CCDC171: variants seen among roughly 807,000 people sequenced by gnomAD.
CCDC171 encodes the protein coiled-coil domain-containing protein 171.
In CCDC171, 177 loss-of-function variants were observed where a neutral mutation model predicts 168.2. The observed-to-expected ratio is 1.05, with a 90% CI of 0.93 to 1.19. The LOEUF is 1.19. CCDC171 is among the 50% of genes most tolerant of loss of function. The probability of loss-of-function intolerance (pLI) is 0.00; values close to 1 mark genes in which losing one functional copy is unlikely to be tolerated. For missense variants in CCDC171, 1,991 were observed against 1,539.0 expected (o/e 1.29, Z -4.91); for synonymous variants, 687 against 540.8 (o/e 1.27, Z -3.75).
At chr9:15,963,774 T>C (rs889573497) in intron 25 of CCDC171, among the ~76,000 whole-genome samples, 1 of 152,256 alleles carries the variant, frequency 6.6e-6, no homozygotes, top group Non-Finnish European at 1.5e-5. Context: ...AGTGGTTTCC[T>C]GGCATCTGTT....
At chr9:15,909,881 A>C (rs928658746) in intron 24 of CCDC171, among the ~76,000 whole-genome samples, 2 of 152,078 alleles carry the variant, frequency 1.3e-5, no homozygotes, top group Non-Finnish European at 2.9e-5. Flanking sequence ...TCTTACTTGC[A>C]TATATTGCAT....
intron 10 of CCDC171, among the ~76,000 whole-genome samples, chr9:15,694,736 G>T (rs967666322): frequency 6.6e-6 from 1 of 152,182 alleles, no homozygotes; most frequent in South Asian, 2.1e-4. Flanking sequence ...TCTCTGTCCA[G>T]TGCTTCCATT....
intron 23 of CCDC171, among the ~76,000 whole-genome samples, chr9:15,868,440 C>T (rs1400688460): frequency 6.6e-6 from 1 of 151,700 alleles, no homozygotes; most frequent in East Asian, 1.9e-4. Flanking sequence ...GATTGCTACA[C>T]AGGTAACTTG....
intron 24 of CCDC171, among the ~76,000 whole-genome samples, chr9:15,905,518 A>C (rs201440800): frequency 6.6e-6 from 1 of 152,160 alleles, no homozygotes; most frequent in African/African-American, 2.4e-5. Context: ...GACACATTCA[A>C]AGCAGTGTGT....
intron 18 of CCDC171, among the ~76,000 whole-genome samples, chr9:15,746,201 A>C (rs78349843): frequency 6.6e-6 from 1 of 152,320 alleles, no homozygotes; most frequent in Middle Eastern, 3.4e-3. Flanking sequence ...GACAGGTTCA[A>C]TGAAAACTAA....
At chr9:15,725,513 G>A (rs548475121) in intron 14 of CCDC171, among the ~76,000 whole-genome samples, 8 of 151,896 alleles carry the variant, frequency 5.3e-5, no homozygotes, top group Non-Finnish European at 1.0e-4. Context: ...GCAGTGGTGC[G>A]ATCTGGGCTC....
chr9:15,740,022 C>G (rs1410059375), intron 16 of CCDC171, among the ~76,000 whole-genome samples: 1 of 152,144 alleles, frequency 6.6e-6, no homozygotes, highest in Non-Finnish European at 1.5e-5. Flanking sequence ...CAGGTTTGAG[C>G]CACCGTGCCT....
intron 21 of CCDC171, among the ~76,000 whole-genome samples, chr9:15,833,192 A>T (rs1034782682): frequency 6.6e-6 from 1 of 151,992 alleles, no homozygotes; most frequent in Non-Finnish European, 1.5e-5. Context: ...GCGTTTTGCC[A>T]TGTTGGCCAG....
At chr9:15,629,888 A>G (rs1352003117) in intron 7 of CCDC171, among the ~76,000 whole-genome samples, 1 of 152,206 alleles carries the variant, frequency 6.6e-6, no homozygotes, top group Non-Finnish European at 1.5e-5. Context: ...TTCTTAAAGA[A>G]AAAAATTTTC....
Position 15,728,028 on chromosome 9 carries a change from A to G in CCDC171, c.1852A>G (p.Asn618Asp), listed in dbSNP as rs748175444. 199 of 1,610,854 alleles carry G rather than the reference A, an allele frequency of 1.2e-4. 1 individual carries two copies. In the Middle Eastern group the frequency reaches 4.1e-3, roughly 34 times the overall value. ...CCTGATTGCAGACCTCAACAGGGCT[A>G]ATGAGAAGGTAACTGTCCTCAGGCA... is the stretch of plus-strand genomic sequence containing the variant. Reference protein sequence around the residue: ...DALIADLNRANEKIRHLEYIC... With the variant: ...DALIADLNRADEKIRHLEYIC... Residue 618 changes from asparagine to aspartate, a missense_variant, in exon 15 of 26, where the codon AAT (asparagine) becomes GAT (aspartate). Transcript: ENST00000380701.
chr9:16,023,429 A>T (rs545221341), intron 6 of CCDC171, among the ~76,000 whole-genome samples: 74 of 152,338 alleles, frequency 4.9e-4, no homozygotes, highest in African/African-American at 1.8e-3. Flanking sequence ...TCATGTTAGT[A>T]GAGCAAAATG....
At chr9:15,751,866 A>G (rs900116070) in intron 18 of CCDC171, among the ~76,000 whole-genome samples, 6 of 152,222 alleles carry the variant, frequency 3.9e-5, no homozygotes, top group East Asian at 1.9e-4. Context: ...CTTCATGACT[A>G]TAACACCAAA....
intron 7 of CCDC171, among the ~76,000 whole-genome samples, chr9:15,647,111 T>G (rs1263347161): frequency 1.3e-5 from 2 of 151,948 alleles, no homozygotes; most frequent in Non-Finnish European, 1.5e-5. Context: ...TCAAAACCGC[T>G]CAACTACATG....
chr9:15,900,021 T>A (rs1240789429), intron 24 of CCDC171, among the ~76,000 whole-genome samples: 1 of 152,190 alleles, frequency 6.6e-6, no homozygotes, highest in East Asian at 1.9e-4. Flanking sequence ...AATTTTGAGT[T>A]AGTTTTGGTA....
At chr9:16,095,869 C>CACAT in the CCDC171 span, among the ~76,000 whole-genome samples, 1,368 of 123,838 alleles carry the variant, frequency 0.011, 18 homozygotes, top group Non-Finnish European at 0.017. Context: ...CACATAGGCA[C>CACAT]ATATATATAT....
In CCDC171 at chr9:16,004,007, A is replaced by G. The variant is rs544764398; in HGVS notation, n.369-16582A>G. The stretch of plus-strand genomic sequence containing the variant: ...ACTGCAGCCTTTTACCTCTCACTGC[A>G]GGGGATCGGCATTGACCAGGTGATG... On this transcript the variant is annotated intron_variant and non_coding_transcript_variant, in intron 3 of 9. Coordinates refer to the CCDC171 transcript ENST00000486641. Among the ~76,000 whole-genome samples, 12 of 152,330 alleles carry G rather than the reference A, an allele frequency of 7.9e-5. No individual in the cohort carries two copies. The South Asian group carries it at 2.5e-3, about 32-fold the overall frequency.
At chr9:15,822,948 A>G (rs973451624) in intron 21 of CCDC171, among the ~76,000 whole-genome samples, 2 of 152,184 alleles carry the variant, frequency 1.3e-5, no homozygotes, top group African/African-American at 2.4e-5. Flanking sequence ...ATGTCCAACA[A>G]TGATAGACTG....
At chr9:15,652,333 A>T (rs1376406015) in intron 7 of CCDC171, among the ~76,000 whole-genome samples, 1 of 152,214 alleles carries the variant, frequency 6.6e-6, no homozygotes. Flanking sequence ...ATTGTCAAAA[A>T]TAAATTGACC....
rs754593075 is a variant in CCDC171 at position 15,610,444 on chromosome 9, TAAAAAAAAAAAAAAAAAAA to T, written c.676-12804_676-12786del. On this transcript the variant is annotated intron_variant, in intron 6 of 25. Transcript: ENST00000380701. ...CAACATGGTGAAACCCCATCTCAAC[TAAAAAAAAAAAAAAAAAAA>T]AAAAAAAAAAAAAAAAAACTGGGCG... Among the ~76,000 whole-genome samples, 44 of 12,726 alleles carry T rather than the reference TAAAAAAAAAAAAAAAAAAA, an allele frequency of 3.5e-3. No individual in the cohort carries two copies. In the South Asian group the frequency reaches 0.064, roughly 19 times the overall value. The allele number at this position is 12,726 out of a possible 152,430, so 8.3% of individuals were successfully genotyped here.
Sources: gnomAD v4.1 joint callset for allele counts (sites outside exome capture counted in the v4.1 genomes callset) on GRCh38, gnomAD v4.1.1 for gene constraint, MANE v1.5 for transcripts, NCBI Gene and HGNC (gene_info 2026-07-23, HGNC 2026-07-21) for gene names.